Variants in PSD3 observed in about 807,000 individuals in gnomAD.
PSD3 encodes pleckstrin and Sec7 domain containing 3.
Under a neutral mutation model 105.5 loss-of-function variants are expected in PSD3, and 49 were observed. The observed-to-expected ratio is 0.46, with a 90% CI of 0.37 to 0.59. The LOEUF (loss-of-function observed/expected upper bound fraction) is 0.59, where lower values mean the gene tolerates loss of function less well. Ranked by LOEUF, PSD3 falls within the 20% of genes least tolerant of loss-of-function variation. The pLI is 0.00. For synonymous variants in PSD3, 557 were observed against 457.8 expected (o/e 1.22, Z -2.77); for missense variants, 1,561 against 1,263.8 (o/e 1.24, Z -3.57).
At chr8:18,675,837 G>T (rs562859413) in intron 9 of PSD3, among the ~76,000 whole-genome samples, 6 of 152,242 alleles carry the variant, frequency 3.9e-5, no homozygotes, top group African/African-American at 1.4e-4. Context: ...ATCTTGCACA[G>T]CTACTCTTGG....
intron 1 of PSD3, among the ~76,000 whole-genome samples, chr8:19,066,425 C>T (rs1251552679): frequency 1.3e-5 from 2 of 152,192 alleles, no homozygotes; most frequent in African/African-American, 4.8e-5. Flanking sequence ...CACCAACACA[C>T]TACTATCTTA....
At chr8:18,583,391 A>G (rs1428912281) in intron 12 of PSD3, among the ~76,000 whole-genome samples, 1 of 152,178 alleles carries the variant, frequency 6.6e-6, no homozygotes, top group Non-Finnish European at 1.5e-5. Flanking sequence ...AGACACCGCC[A>G]TTGCACTCCA....
chr8:18,631,336 G>T (rs1274760524), intron 11 of PSD3, among the ~76,000 whole-genome samples: 2 of 151,972 alleles, frequency 1.3e-5, no homozygotes, highest in African/African-American at 4.8e-5. Flanking sequence ...GCAAGCAAGT[G>T]GGGGCTGTCA....
chr8:18,845,902 A>G (rs1167748450), intron 4 of PSD3, among the ~76,000 whole-genome samples: 1 of 152,220 alleles, frequency 6.6e-6, no homozygotes, highest in Non-Finnish European at 1.5e-5. Context: ...AATCCTTTAT[A>G]TTTCTTGACC....
At chr8:18,641,507 G>A (rs1190285201) in intron 10 of PSD3, among the ~76,000 whole-genome samples, 1 of 152,206 alleles carries the variant, frequency 6.6e-6, no homozygotes, top group Non-Finnish European at 1.5e-5. Flanking sequence ...CAGGATCAGA[G>A]AGGAGGGAAG....
At chr8:18,579,131 C>T (rs1014455872) in intron 12 of PSD3, among the ~76,000 whole-genome samples, 2 of 144,666 alleles carry the variant, frequency 1.4e-5, no homozygotes, top group African/African-American at 5.0e-5. Flanking sequence ...CACACACACA[C>T]ACAAAGGGCA....
chr8:18,590,213 A>G (rs1424533441), intron 12 of PSD3, among the ~76,000 whole-genome samples: 1 of 152,226 alleles, frequency 6.6e-6, no homozygotes, highest in African/African-American at 2.4e-5. Flanking sequence ...TAAAATAACA[A>G]TAAATCAAAT....
chr8:18,838,912 T>C (rs990004637), intron 4 of PSD3, among the ~76,000 whole-genome samples: 7 of 151,726 alleles, frequency 4.6e-5, no homozygotes, highest in African/African-American at 1.7e-4. Flanking sequence ...TCAAAAGGTT[T>C]TGCCACTAGG....
intron 11 of PSD3, among the ~76,000 whole-genome samples, chr8:18,629,832 A>G (rs1806765276): frequency 6.6e-6 from 1 of 151,964 alleles, no homozygotes; most frequent in Non-Finnish European, 1.5e-5. Context: ...TATATACTCT[A>G]AATTGGTGAA....
chr8:18,803,071 A>G (rs1810850896), intron 6 of PSD3: 1 of 161,216 alleles, frequency 6.2e-6, no homozygotes, highest in Non-Finnish European at 1.4e-5. Context: ...GGACTGCCTG[A>G]GGTCAGGAGT....
intron 1 of PSD3, among the ~76,000 whole-genome samples, chr8:18,990,963 T>G (rs1825758578): frequency 6.6e-6 from 1 of 152,156 alleles, no homozygotes; most frequent in African/African-American, 2.4e-5. Context: ...ATGATCCTCT[T>G]ACTCTCTCCT....
intron 6 of PSD3, among the ~76,000 whole-genome samples, chr8:18,801,686 C>A (rs569276883): frequency 6.6e-6 from 1 of 151,994 alleles, no homozygotes; most frequent in East Asian, 1.9e-4. Flanking sequence ...AAAAATTAGC[C>A]GGGCATGGTG....
chr8:18,781,418 A>G (rs1439639918), intron 8 of PSD3, among the ~76,000 whole-genome samples: 2 of 152,160 alleles, frequency 1.3e-5, no homozygotes, highest in South Asian at 2.1e-4. Context: ...CACAATCCCT[A>G]TTAAATGTTC....
intron 1 of PSD3, among the ~76,000 whole-genome samples, chr8:18,942,196 C>G (rs1040983309): frequency 3.9e-5 from 6 of 152,186 alleles, no homozygotes; most frequent in African/African-American, 1.4e-4. Context: ...GTATGATTTT[C>G]AGAGAATCTG....
At chr8:18,860,434 G>T (rs1220461148) in intron 4 of PSD3, among the ~76,000 whole-genome samples, 2 of 150,768 alleles carry the variant, frequency 1.3e-5, no homozygotes, top group African/African-American at 2.5e-5. Flanking sequence ...TTGAGGCAGG[G>T]TTACCACAAA....
chr8:18,586,912 T>G (rs1803231569), intron 12 of PSD3, among the ~76,000 whole-genome samples: 1 of 152,138 alleles, frequency 6.6e-6, no homozygotes, highest in South Asian at 2.1e-4. Flanking sequence ...AGCCTGAGTG[T>G]GCTAGTGAGG....
At chr8:18,756,205 T>G (rs1806034029) in intron 9 of PSD3, among the ~76,000 whole-genome samples, 1 of 151,494 alleles carries the variant, frequency 6.6e-6, no homozygotes, top group African/African-American at 2.4e-5. Context: ...TAGGCAACAG[T>G]TGATGCTCTT....
intron 4 of PSD3, among the ~76,000 whole-genome samples, chr8:18,852,925 C>A (rs1280392681): frequency 6.6e-6 from 1 of 152,108 alleles, no homozygotes; most frequent in East Asian, 1.9e-4. Flanking sequence ...ACAGCCACCA[C>A]CCCTCATGTT....
At chr8:19,084,704 G>A (rs1829753991) in exon 1 of PSD3, 1 of 324,300 alleles carries the variant, frequency 3.1e-6, no homozygotes, top group Admixed American at 4.2e-5. Context: ...CAGAGCAAGT[G>A]AAAGCAGCTG....
Sources: gnomAD v4.1 joint callset for allele counts (sites outside exome capture counted in the v4.1 genomes callset) on GRCh38, gnomAD v4.1.1 for gene constraint, MANE v1.5 for transcripts, NCBI Gene and HGNC (gene_info 2026-07-23, HGNC 2026-07-21) for gene names.